GLB1: variants seen among roughly 807,000 people sequenced by gnomAD.
GLB1 encodes the protein galactosidase beta 1.
GLB1 carries 56 observed loss-of-function variants against 74.0 expected under a neutral mutation model. The observed-to-expected ratio is 0.76, with a 90% CI of 0.61 to 0.94. The LOEUF is 0.94. Ranked by LOEUF, GLB1 falls within the 40% of genes least tolerant of loss-of-function variation. The probability of loss-of-function intolerance (pLI) is 0.00; values close to 1 mark genes in which losing one functional copy is unlikely to be tolerated. For missense variants in GLB1, 787 were observed against 845.5 expected (o/e 0.93, Z 0.86); for synonymous variants, 323 against 323.6 (o/e 1.00, Z 0.02).
Position 33,093,228 on chromosome 3 carries a change from C to T in GLB1, c.75+3783G>A. Reference sequence around the variant, plus strand: ...CAAGCAGATCCAGTCCTCATCCTCACTCCCACTGCCACTGCCACCACCACC... The same window carrying T: ...CAAGCAGATCCAGTCCTCATCCTCATTCCCACTGCCACTGCCACCACCACC... On this transcript the variant is annotated intron_variant, in intron 1 of 15. Transcript: ENST00000307363. The surrounding 1 kb of genome is among the most constrained non-coding windows in gnomAD (Gnocchi z 6.0). The T allele has an allele frequency of 1.2e-6, 2 of 1,614,132 alleles. No individual in the cohort carries two copies. The highest frequency in any genetic ancestry group is 2.2e-5 in the South Asian group (2 of 91,068).
At chr3:33,096,101 T>C (rs1479607464) in intron 1 of GLB1, among the ~76,000 whole-genome samples, 2 of 152,216 alleles carry the variant, frequency 1.3e-5, no homozygotes, top group Admixed American at 6.5e-5. Flanking sequence ...TGTCAAATGC[T>C]ACCAGCTCTT....
Position 33,045,278 on chromosome 3 carries a change from T to A in GLB1, c.1068+842A>T, listed in dbSNP as rs1698694970. ...TTTTTAGGTAAATAAATAATTATTG[T>A]TCATTTATTTGACTATGAAAGAAGA... On this transcript the variant is annotated intron_variant, in intron 10 of 15. Transcript: ENST00000307363. 7.4e-6 allele frequency: 6 copies of A among 811,742 alleles called. No individual in the cohort carries two copies. The South Asian group carries it at 3.4e-4, about 46-fold the overall frequency. The allele number at this position is 811,742 out of a possible 1,614,324, so 50.3% of individuals were successfully genotyped here. A position where few individuals can be genotyped will look rare whatever the true frequency, so the allele number is the denominator to read the frequency against.
At chr3:33,088,133 A>G (rs1700603101) in intron 1 of GLB1, among the ~76,000 whole-genome samples, 1 of 152,162 alleles carries the variant, frequency 6.6e-6, no homozygotes, top group East Asian at 1.9e-4. Flanking sequence ...TAAAGCCCAC[A>G]TGTGAAGAGC....
At chr3:33,092,227 A>C in intron 1 of GLB1, 1 of 985,736 alleles carries the variant, frequency 1.0e-6, no homozygotes, top group Non-Finnish European at 1.2e-6. Flanking sequence ...GGCCTGGAAC[A>C]GGAGGAGCTT....
chr3:33,073,131 A>C lies in GLB1; in HGVS notation c.76-418T>G, dbSNP rs6770187. The stretch of plus-strand genomic sequence containing the variant: ...TCACTGGGATAACCAAGACCCATTA[A>C]CAAAATTCTAAGTGTAAAATACAGG... On this transcript the variant is annotated intron_variant, in intron 1 of 15. Transcript: ENST00000307363. Among the ~76,000 whole-genome samples the C allele has an allele frequency of 9.0e-3, 1,374 of 152,244 alleles. 28 individuals are homozygous for C. Among genetic ancestry groups the C allele is most frequent in the African/African-American group, 0.031 (1,303 of 41,538 alleles).
the GLB1 span, among the ~76,000 whole-genome samples, chr3:32,974,482 G>A: frequency 6.6e-6 from 1 of 151,986 alleles, no homozygotes; most frequent in Non-Finnish European, 1.5e-5. Context: ...CTATAGCTGT[G>A]TCTCTATTAT....
In GLB1 at chr3:33,097,017, G is replaced by T. The variant is rs780964758; in HGVS notation, c.69C>A (p.Gly23=). 7 of 1,612,082 alleles carry T rather than the reference G, an allele frequency of 4.3e-6. No homozygotes were observed. Among genetic ancestry groups the T allele is most frequent in the Non-Finnish European group, 5.1e-6 (6 of 1,178,938 alleles). Reference sequence around the variant, plus strand: ...CCGGGTCCCGCAGACTTACGCGCAAGCCGCGCGTAGGGCCCAGAAGCAGCA... The same window carrying T: ...CCGGGTCCCGCAGACTTACGCGCAATCCGCGCGTAGGGCCCAGAAGCAGCA... ...LVLLLLGPTR[G]LRNATQRMFE... is the part of the protein sequence containing the mutation. The change falls in exon 1 of 16, where the codon GGC becomes GGA. Residue 23 remains glycine (G), a synonymous_variant. Transcript: ENST00000307363.
At chr3:32,967,443 T>C in the GLB1 span, among the ~76,000 whole-genome samples, 3 of 152,190 alleles carry the variant, frequency 2.0e-5, no homozygotes, top group Non-Finnish European at 4.4e-5. Flanking sequence ...GGTGTGTGCC[T>C]ATAATCCCAG....
intron 10 of GLB1, among the ~76,000 whole-genome samples, chr3:33,032,506 C>T (rs937663532): frequency 6.6e-6 from 1 of 152,144 alleles, no homozygotes; most frequent in Non-Finnish European, 1.5e-5. Context: ...ATCAACAACT[C>T]CTCATTCTTT....
At chr3:33,018,310 AAAAAAAAAAAAAAAGAT>A in intron 13 of GLB1, 121 bp downstream of exon 13, 1 of 515,768 alleles carries the variant, frequency 1.9e-6, no homozygotes, top group South Asian at 2.3e-5. Flanking sequence ...AAAAAAAAAA[AAAAAAAAAAAAAAAGAT>A]GATGGGTAGA....
At chr3:33,008,093 T>C (rs1247218952) in intron 15 of GLB1, among the ~76,000 whole-genome samples, 2 of 152,212 alleles carry the variant, frequency 1.3e-5, no homozygotes, top group African/African-American at 4.8e-5. Context: ...CTCTTGCGTG[T>C]GACACCTTTA....
intron 10 of GLB1, among the ~76,000 whole-genome samples, chr3:33,042,898 C>T (rs186781567): frequency 4.7e-4 from 71 of 152,286 alleles, no homozygotes; most frequent in African/African-American, 1.5e-3. Flanking sequence ...TGCAACCTGG[C>T]GCATGCAGAG....
At chr3:32,986,590 T>C in the GLB1 span, among the ~76,000 whole-genome samples, 1 of 135,184 alleles carries the variant, frequency 7.4e-6, no homozygotes, top group Non-Finnish European at 1.6e-5. Flanking sequence ...CATAGACTGT[T>C]TCTCTTTTTT....
At chr3:32,961,988 G>A in the GLB1 span, among the ~76,000 whole-genome samples, 1 of 152,204 alleles carries the variant, frequency 6.6e-6, no homozygotes, top group Non-Finnish European at 1.5e-5. Flanking sequence ...TGGAGGTCAG[G>A]GGTTTGAGAC....
chr3:33,090,202 G>A (rs1700688443), intron 1 of GLB1, among the ~76,000 whole-genome samples: 1 of 152,110 alleles, frequency 6.6e-6, no homozygotes, highest in Admixed American at 6.6e-5. Context: ...TTTTGAAAAA[G>A]GATTCATACT....
chr3:32,982,301 G>GAA, the GLB1 span, among the ~76,000 whole-genome samples: 1 of 126,430 alleles, frequency 7.9e-6, no homozygotes, highest in South Asian at 2.5e-4. Flanking sequence ...CAACAAGAGC[G>GAA]AAACTCCGTC....
chr3:33,069,822 C>T (rs1699826656), intron 2 of GLB1, among the ~76,000 whole-genome samples: 1 of 152,076 alleles, frequency 6.6e-6, no homozygotes, highest in Non-Finnish European at 1.5e-5. Context: ...TTTTTAAAAA[C>T]TTTTATTTTA....
chr3:33,061,097 A>G (rs1699424412), intron 5 of GLB1, among the ~76,000 whole-genome samples: 1 of 152,230 alleles, frequency 6.6e-6, no homozygotes, highest in South Asian at 2.1e-4. Context: ...TTTCTAGAGC[A>G]GGAGTCAACA....
intron 15 of GLB1, among the ~76,000 whole-genome samples, chr3:32,997,944 G>T (rs946151339): frequency 1.3e-5 from 2 of 152,220 alleles, no homozygotes; most frequent in African/African-American, 2.4e-5. Context: ...AGAGGGATAG[G>T]GGGGTTTGGG....
Sources: gnomAD v4.1 joint callset for allele counts (sites outside exome capture counted in the v4.1 genomes callset) on GRCh38, gnomAD v4.1.1 for gene constraint, Gnocchi (gnomAD v3.1) non-coding constraint, MANE v1.5 for transcripts, NCBI Gene and HGNC (gene_info 2026-07-23, HGNC 2026-07-21) for gene names.